ADARB2: variants seen among roughly 807,000 people sequenced by gnomAD.
The protein encoded by ADARB2 is inactive double-stranded RNA-specific editase B2.
Under a neutral mutation model 62.2 loss-of-function variants are expected in ADARB2, and 25 were observed. The ratio of observed to expected loss-of-function variants is 0.40; its 90% CI spans 0.29 to 0.56. The LOEUF (loss-of-function observed/expected upper bound fraction) is 0.56. Ranked by LOEUF, ADARB2 falls within the 20% of genes least tolerant of loss-of-function variation. The pLI is 0.43. For missense variants in ADARB2, 1,071 were observed against 1,077.4 expected, an observed-to-expected ratio of 0.99 and a Z score of 0.08; for synonymous variants, 572 against 500.8, an observed-to-expected ratio of 1.14 and a Z score of -1.90.
At chr10:1,534,137 GTTT>G (rs11431049) in intron 1 of ADARB2, among the ~76,000 whole-genome samples, 3 of 137,038 alleles carry the variant, frequency 2.2e-5, no homozygotes, top group Non-Finnish European at 4.7e-5. Context: ...CATTGAAATA[GTTT>G]TTTTTTTTTT....
chr10:1,232,856 G>A (rs533437541), intron 6 of ADARB2, among the ~76,000 whole-genome samples: 2 of 150,900 alleles, frequency 1.3e-5, no homozygotes, highest in South Asian at 4.2e-4. Flanking sequence ...TATGTGGTAT[G>A]CGTGTAGTGT....
intron 3 of ADARB2, among the ~76,000 whole-genome samples, chr10:1,272,829 T>TG (rs1831275804): frequency 6.6e-6 from 1 of 152,144 alleles, no homozygotes; most frequent in Non-Finnish European, 1.5e-5. Context: ...TACCCTTAAC[T>TG]GGGGGTCTTT....
chr10:1,417,184 G>A (rs2387673), intron 1 of ADARB2, among the ~76,000 whole-genome samples: 99,599 of 151,784 alleles, frequency 0.66, 35,208 homozygotes, highest in Middle Eastern at 0.82. Flanking sequence ...GGCAGGAAGT[G>A]TAGATTAAGA....
chr10:1,717,528 C>A (rs937071419), intron 1 of ADARB2, among the ~76,000 whole-genome samples: 1 of 121,436 alleles, frequency 8.2e-6, no homozygotes, highest in Non-Finnish European at 1.8e-5. Context: ...TCTTTCCTTT[C>A]TTTCCTTCCT....
At chr10:1,375,956 T>C (rs938004187) in intron 2 of ADARB2, among the ~76,000 whole-genome samples, 3 of 28,064 alleles carry the variant, frequency 1.1e-4, no homozygotes, top group Admixed American at 6.5e-4. Context: ...ACCACACACA[T>C]GCACACACAC....
intron 1 of ADARB2, among the ~76,000 whole-genome samples, chr10:1,587,606 C>T (rs903056965): frequency 7.2e-5 from 11 of 152,158 alleles, no homozygotes; most frequent in South Asian, 4.2e-4. Context: ...CGTGGGTTCC[C>T]GTGAGAAATA....
chr10:1,177,610 A>C lies in ADARB2; in HGVS notation c.*5583T>G, dbSNP rs1836605989. On this transcript the variant is annotated 3_prime_UTR_variant, in exon 10 of 10. Coordinates refer to ENST00000381312, the MANE Select transcript of ADARB2 (RefSeq NM_018702.4). Reference sequence around the variant, plus strand: ...GAGATTTTTTTTTTTTTACCGATGCATAAACTGCAGAGAGATAGAAATCTA... The same window carrying C: ...GAGATTTTTTTTTTTTTACCGATGCCTAAACTGCAGAGAGATAGAAATCTA... 1 of 152,144 alleles carries C rather than the reference A, an allele frequency of 6.6e-6. No individual in the cohort carries two copies. Among genetic ancestry groups the C allele is most frequent in the South Asian group, 2.1e-4 (1 of 4,824 alleles). 9.4% of individuals were successfully genotyped at this position (152,144 alleles called of 1,614,324 possible). A position where few individuals can be genotyped will look rare whatever the true frequency, so the allele number is the denominator to read the frequency against.
chr10:1,429,897 C>A (rs1830762870), intron 1 of ADARB2, among the ~76,000 whole-genome samples: 1 of 152,142 alleles, frequency 6.6e-6, no homozygotes, highest in Non-Finnish European at 1.5e-5. Flanking sequence ...CCCCTCATCT[C>A]CTTTCCTTGT....
rs76201777 is a variant in ADARB2, at chr10:1,617,427, C to A, written c.100+119624G>T. On this transcript the variant is annotated intron_variant, in intron 1 of 9. Transcript: ENST00000381312. The stretch of plus-strand genomic sequence containing the variant: ...TCCGCACCACCCTGCTGAGCTCTGC[C>A]TCATGGGAACTGACCTCAGAGGGTT... 3.0e-4 allele frequency among the ~76,000 whole-genome samples: 12 copies of A among 39,696 alleles called. 1 individual carries two copies. Among genetic ancestry groups the A allele is most frequent in the African/African-American group, 7.3e-4 (6 of 8,202 alleles). 26.0% of individuals were successfully genotyped at this position (39,696 alleles called of 152,430 possible).
At chr10:1,613,996 G>A (rs1018589928) in intron 1 of ADARB2, among the ~76,000 whole-genome samples, 2 of 152,202 alleles carry the variant, frequency 1.3e-5, no homozygotes, top group Admixed American at 1.3e-4. Context: ...GACTTGGTTA[G>A]TGTGATAGAG....
At chr10:1,234,730 C>A (rs1830846985) in intron 5 of ADARB2, among the ~76,000 whole-genome samples, 1 of 142,272 alleles carries the variant, frequency 7.0e-6, no homozygotes, top group Non-Finnish European at 1.5e-5. Context: ...GTGCGAGCGA[C>A]CATGATCTTT....
chr10:1,734,501 C>T (rs1012694792), intron 1 of ADARB2, among the ~76,000 whole-genome samples: 3 of 152,060 alleles, frequency 2.0e-5, no homozygotes, highest in Non-Finnish European at 2.9e-5. Flanking sequence ...GCATATCATG[C>T]CAAAGTCACT....
At chr10:1,561,884 C>T (rs1285368654) in intron 1 of ADARB2, among the ~76,000 whole-genome samples, 2 of 152,254 alleles carry the variant, frequency 1.3e-5, no homozygotes, top group African/African-American at 4.8e-5. Context: ...CCCACTCTTG[C>T]CCATGCAACC....
chr10:1,353,199 G>T (rs1832160662), intron 3 of ADARB2, among the ~76,000 whole-genome samples: 1 of 152,152 alleles, frequency 6.6e-6, no homozygotes, highest in Non-Finnish European at 1.5e-5. Flanking sequence ...GATGATCTTT[G>T]CTGGCAGAAG....
intron 1 of ADARB2, among the ~76,000 whole-genome samples, chr10:1,712,888 C>T (rs1196881128): frequency 2.0e-5 from 3 of 152,036 alleles, no homozygotes; most frequent in African/African-American, 4.8e-5. Flanking sequence ...GGATTACAGG[C>T]GTGAGCCACA....
rs530335960 is a variant in ADARB2, at chr10:1,600,808, T to C, written c.100+136243A>G. On this transcript the variant is annotated intron_variant, in intron 1 of 9. Transcript: ENST00000381312. The stretch of plus-strand genomic sequence containing the variant: ...GCAGGGAACTTAACAACAGCACATG[T>C]TTGGGCAAATCTATGATTCTCTGAG... Among the ~76,000 whole-genome samples the C allele has an allele frequency of 2.0e-5, 3 of 152,264 alleles. No individual in the cohort carries two copies. In the East Asian group the frequency reaches 5.8e-4, roughly 29 times the overall value.
intron 2 of ADARB2, among the ~76,000 whole-genome samples, chr10:1,370,804 G>T (rs1223349038): frequency 6.6e-6 from 1 of 152,178 alleles, no homozygotes; most frequent in African/African-American, 2.4e-5. Context: ...AGAAATTGTA[G>T]ACACAAACCA....
In ADARB2 at chr10:1,705,739, C is replaced by A. The variant is rs1176465281; in HGVS notation, c.100+31312G>T. Among the ~76,000 whole-genome samples, 5 of 152,318 alleles carry A rather than the reference C, an allele frequency of 3.3e-5. No individual in the cohort carries two copies. In the East Asian group the frequency reaches 9.6e-4, roughly 29 times the overall value. On this transcript the variant is annotated intron_variant, in intron 1 of 9. Transcript: ENST00000381312. ...TTACAAAGAAGCGTGTGAGGCCTCT[C>A]AATATTGTGCTGCTCTGAGGGTTCC... is the stretch of plus-strand genomic sequence containing the variant.
rs114787144 is a variant in ADARB2 at position 1,626,449 on chromosome 10, C to A, written c.100+110602G>T. Among the ~76,000 whole-genome samples, 376 of 152,078 alleles carry A rather than the reference C, an allele frequency of 2.5e-3. 3 individuals are homozygous for A. The highest frequency in any genetic ancestry group is 8.4e-3 in the African/African-American group (348 of 41,488). ...CTCGGACGCTAACCCCACGTCTGCCCACGCCTCAGGCACCTCTTGAACTCC... is the reference window on the plus strand; with the variant it reads ...CTCGGACGCTAACCCCACGTCTGCCAACGCCTCAGGCACCTCTTGAACTCC... On this transcript the variant is annotated intron_variant, in intron 1 of 9. Transcript: ENST00000381312.
Sources: gnomAD v4.1 joint callset for allele counts (sites outside exome capture counted in the v4.1 genomes callset) on GRCh38, gnomAD v4.1.1 for gene constraint, MANE v1.5 for transcripts, NCBI Gene and HGNC (gene_info 2026-07-23, HGNC 2026-07-21) for gene names.